Variants in LHX1 observed in about 807,000 individuals in gnomAD.
The protein encoded by LHX1 is LIM/homeobox protein Lhx1.
Under a neutral mutation model 34.1 loss-of-function variants are expected in LHX1, and 9 were observed. The observed-to-expected ratio is 0.26, with a 90% CI of 0.16 to 0.46. The LOEUF is 0.46. Among genes scored for constraint, LHX1 ranks in the 20% least tolerant of loss-of-function variants. The pLI is 1.00. For missense variants in LHX1, 446 were observed against 559.1 expected (o/e 0.80, Z 2.04); for synonymous variants, 254 against 241.5 (o/e 1.05, Z -0.48).
chr17:36,941,497 A>T (rs2070764812), intron 3 of LHX1: 1 of 305,264 alleles, frequency 3.3e-6, no homozygotes, highest in African/African-American at 2.2e-5. Flanking sequence ...GCTCCAGGCC[A>T]GGGGGAGTCT....
Position 36,937,837 on chromosome 17 carries a change from C to T in LHX1, c.-361C>T, listed in dbSNP as rs1322310737. The T allele has an allele frequency of 5.5e-6, 3 of 545,254 alleles. No individual in the cohort carries two copies. The highest frequency in any genetic ancestry group is 1.9e-5 in the African/African-American group (1 of 53,370). 33.8% of individuals were successfully genotyped at this position (545,254 alleles called of 1,614,324 possible). A position where few individuals can be genotyped will look rare whatever the true frequency, so the allele number is the denominator to read the frequency against. ...TTCTCCGTTTTTATTTATTTATTTC[C>T]GTTCCCGCCGCCGTTCTCGCTGACC... On this transcript the variant is annotated 5_prime_UTR_variant, in exon 1 of 5. Transcript: ENST00000614239.
intron 3 of LHX1, chr17:36,941,414 A>G: frequency 3.0e-6 from 1 of 331,692 alleles, no homozygotes; most frequent in Non-Finnish European, 5.9e-6. Flanking sequence ...AGCGGGTTGG[A>G]GTGAAATTTG....
At chr17:36,937,407 C>T (rs2070733342), upstream of LHX1, 2 of 329,514 alleles carry the variant, frequency 6.1e-6, no homozygotes, top group South Asian at 4.4e-5. Flanking sequence ...AGTTGTCCCT[C>T]TCTGTTTTCG....
intron 3 of LHX1, 109 bp downstream of exon 3, chr17:36,940,996 C>G (rs2070761627): frequency 1.5e-5 from 22 of 1,498,876 alleles, no homozygotes; most frequent in African/African-American, 4.1e-5. Flanking sequence ...GAGATGGAGT[C>G]CAGAGGTGGG....
Position 36,942,867 on chromosome 17 carries a change from G to A in LHX1, c.957G>A (p.Pro319=), listed in dbSNP as rs757317186. 4 of 1,592,388 alleles carry A rather than the reference G, an allele frequency of 2.5e-6. No individual in the cohort carries two copies. In the African/African-American group the frequency reaches 4.0e-5, roughly 16 times the overall value. The part of the protein sequence containing the change: ...VDLPFVPSSG[P]SGTPLGGLEH... ...TACCCTTCGTGCCGTCATCTGGGCC[G>A]TCCGGGACGCCCCTGGGTGGCCTGG... The change falls in exon 5 of 5, where the codon CCG becomes CCA. Residue 319 remains proline, a synonymous_variant. Transcript: ENST00000614239.
chr17:36,942,024 C>T (rs867438796), intron 3 of LHX1, among the ~76,000 whole-genome samples, 176 bp from the exon 4 acceptor site: 4 of 152,208 alleles, frequency 2.6e-5, no homozygotes, highest in Non-Finnish European at 4.4e-5. Flanking sequence ...GGCTCAGGGT[C>T]CGCCCTGAGT....
Position 36,943,383 on chromosome 17 carries a change from A to C in LHX1, c.*252A>C. 2.1e-6 allele frequency: 1 copy of C among 467,910 alleles called. No individual in the cohort carries two copies. The allele number at this position is 467,910 out of a possible 1,614,324, so 29.0% of individuals were successfully genotyped here. A position where few individuals can be genotyped will look rare whatever the true frequency, so the allele number is the denominator to read the frequency against. On this transcript the variant is annotated 3_prime_UTR_variant, in exon 5 of 5. Coordinates refer to ENST00000614239, the MANE Select transcript of LHX1 (RefSeq NM_005568.5). ...CTGGGGCTCCCCAAAGGAAACGCAG[A>C]CCTCTCCCCAACTCCCACCTGGACC...
chr17:36,940,995 T>G (rs764775684), intron 3 of LHX1, 108 bp downstream of exon 3: 1 of 1,503,726 alleles, frequency 6.7e-7, no homozygotes, highest in East Asian at 2.5e-5. Context: ...AGAGATGGAG[T>G]CCAGAGGTGG....
At chr17:36,940,570 G>T in intron 2 of LHX1, 40 bp from the exon 3 acceptor site, 1 of 1,613,668 alleles carries the variant, frequency 6.2e-7, no homozygotes, top group South Asian at 1.1e-5. Context: ...GGGGAGGAAG[G>T]CTCGCCAAGG....
chr17:36,938,329 C>G lies in LHX1; in HGVS notation c.132C>G (p.Ser44=). Residue 44 remains serine (S), a synonymous_variant, in exon 1 of 5, where the codon TCC becomes TCG. Transcript: ENST00000614239. ...GCAACCTGACCGAGAAGTGCTTCTC[C>G]AGGGAAGGCAAACTCTACTGCAAGA... ...CKCNLTEKCF[S]REGKLYCKND... The G allele has an allele frequency of 6.2e-7, 1 of 1,614,226 alleles. No individual in the cohort carries two copies. The highest frequency in any genetic ancestry group is 8.5e-7 in the Non-Finnish European group (1 of 1,180,032).
In LHX1 at chr17:36,943,283, GGGGGACAC is replaced by G; in HGVS notation, c.*154_*161del. Reference sequence around the variant, plus strand: ...CCTTCTGGGGAGACCGGATGGAAAAGGGGGACACGAAATAGGATCCAAATCGGCCTCGA... The same window carrying G: ...CCTTCTGGGGAGACCGGATGGAAAAGGAAATAGGATCCAAATCGGCCTCGA... On this transcript the variant is annotated 3_prime_UTR_variant, in exon 5 of 5. Coordinates refer to ENST00000614239, the MANE Select transcript of LHX1 (RefSeq NM_005568.5). The G allele has an allele frequency of 1.1e-6, 1 of 938,382 alleles. No homozygotes were observed. Among genetic ancestry groups the G allele is most frequent in the Non-Finnish European group, 1.5e-6 (1 of 652,074 alleles). 58.1% of individuals were successfully genotyped at this position (938,382 alleles called of 1,614,324 possible).
At position 36,943,113 on chromosome 17, in the gene LHX1, C is replaced by A; in HGVS notation, c.1203C>A (p.Asn401Lys). The change falls in exon 5 of 5, where the codon AAC becomes AAA. Residue 401 changes from asparagine (N) to lysine (K), a missense_variant. This residue lies in a region of LHX1 where 235 missense variants were observed against 224.4 expected (regional missense o/e 1.05). Transcript: ENST00000614239. ...ACCTGTCCCACCCCCCCGAAATGAA[C>A]GAGGCGGCCGTGTGGTAGCGGGGTC... ...GNHLSHPPEM[N>K]EAAVW is the part of the protein sequence containing the mutation. The A allele has an allele frequency of 1.2e-6, 2 of 1,612,002 alleles. No homozygotes were observed. The highest frequency in any genetic ancestry group is 1.3e-5 in the African/African-American group (1 of 74,902).
chr17:36,942,737 C>G lies in LHX1; in HGVS notation c.842-15C>G. 1 of 1,492,680 alleles carries G rather than the reference C, an allele frequency of 6.7e-7. No homozygotes were observed. The highest frequency in any genetic ancestry group is 8.9e-7 in the Non-Finnish European group (1 of 1,121,148). 92.5% of individuals were successfully genotyped at this position (1,492,680 alleles called of 1,614,324 possible). A position where few individuals can be genotyped will look rare whatever the true frequency, so the allele number is the denominator to read the frequency against. On this transcript the variant is annotated splice_polypyrimidine_tract_variant and intron_variant, in intron 4 of 4. Coordinates refer to ENST00000614239, the MANE Select transcript of LHX1 (RefSeq NM_005568.5). ...CCGGGCCCTGACGTCCTGCGCCCTC[C>G]CCGCCGCTCCGCAGATTACCAGAGC...
At position 36,937,655 on chromosome 17, in the gene LHX1, G is replaced by C. The variant is rs2070735910; in HGVS notation, c.-543G>C. ...CTTCCCTTTTTTAAAAAAAGAGGGG[G>C]GAAATCCCAGTGGTGGGCAGCCTGG... On this transcript the variant is annotated 5_prime_UTR_variant, in exon 1 of 5. Coordinates refer to ENST00000614239, the MANE Select transcript of LHX1 (RefSeq NM_005568.5). 2.8e-6 allele frequency: 1 copy of C among 351,738 alleles called. No individual in the cohort carries two copies. Among genetic ancestry groups the C allele is most frequent in the Middle Eastern group, 4.7e-4 (1 of 2,110 alleles). 21.8% of individuals were successfully genotyped at this position (351,738 alleles called of 1,614,324 possible).
In LHX1 at chr17:36,940,788, G is replaced by A; in HGVS notation, c.576G>A (p.Leu192=). The part of the protein sequence containing the change: ...GPRTTIKAKQ[L]ETLKAAFAAT... ...GCACCACCATCAAAGCCAAGCAGCT[G>A]GAGACGCTGAAGGCCGCCTTCGCTG... Residue 192 remains leucine, a synonymous_variant, in exon 3 of 5, where the codon CTG becomes CTA. Coordinates refer to ENST00000614239, the MANE Select transcript of LHX1 (RefSeq NM_005568.5). 1.2e-6 allele frequency: 2 copies of A among 1,613,140 alleles called. No homozygotes were observed. The highest frequency in any genetic ancestry group is 1.7e-6 in the Non-Finnish European group (2 of 1,179,986).
rs1392936544 is a variant in LHX1, at chr17:36,937,908, G to A, written c.-290G>A. ...GAGCAGAAGGGTCGCATTCTCTCCC[G>A]CCTGAGACTTCTTTTCCTCGCCCCG... is the stretch of plus-strand genomic sequence containing the variant. On this transcript the variant is annotated 5_prime_UTR_variant, in exon 1 of 5. Transcript: ENST00000614239. 6.8e-6 allele frequency: 4 copies of A among 591,118 alleles called. No homozygotes were observed. Among genetic ancestry groups the A allele is most frequent in the East Asian group, 6.2e-5 (2 of 32,148 alleles). 36.6% of individuals were successfully genotyped at this position (591,118 alleles called of 1,614,324 possible). A position where few individuals can be genotyped will look rare whatever the true frequency, so the allele number is the denominator to read the frequency against.
intron 3 of LHX1, chr17:36,941,114 G>A (rs1223755633): frequency 8.0e-6 from 6 of 746,472 alleles, no homozygotes; most frequent in Non-Finnish European, 1.2e-5. Context: ...GCAGTGGAGG[G>A]GGAGGGACGG....
chr17:36,940,254 TCCCCGCCCCCGCCCCCCACCCCCAC>T lies in LHX1; in HGVS notation c.171-31_171-7del. The T allele has an allele frequency of 5.3e-6, 3 of 560,756 alleles. No individual in the cohort carries two copies. Among genetic ancestry groups the T allele is most frequent in the Non-Finnish European group, 9.6e-6 (3 of 311,460 alleles). The allele number at this position is 560,756 out of a possible 1,614,324, so 34.7% of individuals were successfully genotyped here. A position where few individuals can be genotyped will look rare whatever the true frequency, so the allele number is the denominator to read the frequency against. ...TCTCCCCTTGCCCCTGGCTGACCCA[TCCCCGCCCCCGCCCCCCACCCCCAC>T]CCCCCCGCAGGTGTTTCGGTACCAA... is the stretch of plus-strand genomic sequence containing the variant. On this transcript the variant is annotated splice_polypyrimidine_tract_variant and intron_variant, in intron 1 of 4. Transcript: ENST00000614239.
In LHX1 at chr17:36,944,264, TAAAAA is replaced by T. The variant is rs34618208; in HGVS notation, c.*1147_*1151del. 1.2e-4 allele frequency: 16 copies of T among 128,482 alleles called. No individual in the cohort carries two copies. The highest frequency in any genetic ancestry group is 3.5e-4 in the African/African-American group (13 of 36,970). The allele number at this position is 128,482 out of a possible 1,614,324, so 8.0% of individuals were successfully genotyped here. On this transcript the variant is annotated 3_prime_UTR_variant, in exon 5 of 5. Transcript: ENST00000614239. ...TGGCACCAGCAACCTGAGAAAGTGT[TAAAAA>T]AAAAAAAAAAAAAGTGTTACAAGAT...
Sources: allele counts gnomAD v4.1 joint callset (sites outside exome capture counted in the v4.1 genomes callset), GRCh38; gene constraint gnomAD v4.1.1; regional missense constraint gnomAD v4.1.1; transcripts MANE v1.5; gene names NCBI Gene and HGNC (gene_info 2026-07-23, HGNC 2026-07-21).